NOTCH1: variants seen among roughly 807,000 people sequenced by gnomAD.
The protein encoded by NOTCH1 is neurogenic locus notch homolog protein 1.
NOTCH1 carries 37 observed loss-of-function variants against 254.8 expected under a neutral mutation model. The ratio of observed to expected loss-of-function variants is 0.15; its 90% confidence interval spans 0.11 to 0.19. The LOEUF (loss-of-function observed/expected upper bound fraction) is 0.19. Among genes scored for constraint, NOTCH1 ranks in the 10% least tolerant of loss-of-function variants. NOTCH1 has a pLI of 1.00. For missense variants in NOTCH1, 2,972 were observed against 3,708.6 expected, an observed-to-expected ratio of 0.80 and a Z score of 5.16; for synonymous variants, 1,731 against 1,618.1, an observed-to-expected ratio of 1.07 and a Z score of -1.68.
At chr9:136,505,976 C>T in intron 24 of NOTCH1, 95 bp from the exon 25 acceptor site, 3 of 1,120,012 alleles carry the variant, frequency 2.7e-6, no homozygotes, top group Non-Finnish European at 3.8e-6. Context: ...TGCCACCGCT[C>T]TCCTCTAACC....
At chr9:136,530,187 AGCCGGGGCCAG>A (rs1223876694) in intron 2 of NOTCH1, among the ~76,000 whole-genome samples, 1 of 152,194 alleles carries the variant, frequency 6.6e-6, no homozygotes, top group African/African-American at 2.4e-5. Flanking sequence ...CCGGGGTCTG[AGCCGGGGCCAG>A]GCTTTCCGGC....
chr9:136,505,296 C>T lies in NOTCH1; in HGVS notation c.4586+14G>A, dbSNP rs1843063017. 4 of 1,557,968 alleles carry T rather than the reference C, an allele frequency of 2.6e-6. No individual in the cohort carries two copies. The highest frequency in any genetic ancestry group is 3.5e-6 in the Non-Finnish European group (4 of 1,151,612). ...TCAGGTCCTCCCTCAGCCCCATGAG[C>T]CCCGCAGCCTTACTTGCACTGGCCT... On this transcript the variant is annotated intron_variant, in intron 25 of 33. Transcript: ENST00000651671.
At chr9:136,526,672 G>A (rs944098387) in intron 2 of NOTCH1, among the ~76,000 whole-genome samples, 1 of 152,200 alleles carries the variant, frequency 6.6e-6, no homozygotes, top group African/African-American at 2.4e-5. Flanking sequence ...CCCGGACACC[G>A]GGCCCCACTC....
rs1402039163 is a variant in NOTCH1 at position 136,496,033 on chromosome 9, C to T, written c.*38G>A. 1.3e-6 allele frequency: 2 copies of T among 1,579,502 alleles called. No homozygotes were observed. The highest frequency in any genetic ancestry group is 1.3e-5 in the African/African-American group (1 of 74,798). ...CAGAGCGCACACAGACGCCCGAAGGCTTGGGAAAGGAAGCCGGGGTCTCGT... is the reference window on the plus strand; with the variant it reads ...CAGAGCGCACACAGACGCCCGAAGGTTTGGGAAAGGAAGCCGGGGTCTCGT... On this transcript the variant is annotated 3_prime_UTR_variant, in exon 34 of 34. Transcript: ENST00000651671.
At chr9:136,535,191 A>T (rs185527912) in intron 2 of NOTCH1, among the ~76,000 whole-genome samples, 1 of 151,842 alleles carries the variant, frequency 6.6e-6, no homozygotes, top group East Asian at 2.0e-4. Context: ...GGGGCTGAGG[A>T]CTCGGAGGAT....
In NOTCH1 at chr9:136,500,831, G is replaced by A. The variant is rs1457346007; in HGVS notation, c.5655C>T (p.Leu1885=). The A allele has an allele frequency of 1.3e-6, 2 of 1,596,104 alleles. No homozygotes were observed. The highest frequency in any genetic ancestry group is 1.1e-5 in the South Asian group (1 of 90,802). The change falls in exon 31 of 34, where the codon CTC becomes CTT. Residue 1885 remains leucine, a synonymous_variant. Transcript: ENST00000651671. ...NVRGPDGFTP[L]MIASCSGGGL... ...CGCCCCCGCTGCAGGAGGCGATCAT[G>A]AGCGGGGTGAAGCCATCTGCAGAGG... is the stretch of plus-strand genomic sequence containing the variant.
In NOTCH1 at chr9:136,509,845, G is replaced by A. The variant is rs2133350882; in HGVS notation, c.2857C>T (p.Pro953Ser). Residue 953 changes from proline to serine, a missense_variant, in exon 18 of 34, where the codon CCC becomes TCC. By Grantham distance (74) the Pro-to-Ser change is moderately conservative. Around this residue, in one of 8 missense-constraint regions of NOTCH1, gnomAD observed 1,343 missense variants for 1,557.0 expected, o/e 0.86. Transcript: ENST00000651671. ...GTGCAGTTGGCCCCGTTGCGGCAGG[G>A]GTCACTGGCACACTCGTTGATGTCC... ...EEDINECASD[P>S]CRNGANCTDC... 1 of 1,613,144 alleles carries A rather than the reference G, an allele frequency of 6.2e-7. No homozygotes were observed. Among genetic ancestry groups the A allele is most frequent in the Non-Finnish European group, 8.5e-7 (1 of 1,180,026 alleles).
rs2133377622 is a variant in NOTCH1 at position 136,523,024 on chromosome 9, G to A, written c.568C>T (p.Arg190Cys). Residue 190 changes from arginine to cysteine, a missense_variant, in exon 4 of 34, where the codon CGC (arginine) becomes TGC (cysteine). Arg to Cys is a radical substitution (Grantham distance 180). This residue lies in a region of NOTCH1 where 374 missense variants were observed against 496.3 expected (regional missense o/e 0.75). Transcript: ENST00000651671. Reference sequence around the variant, plus strand: ...TCGTTGTGGCAGGTGCCTCCGTGGCGGCAAAGCCCGGGCTTCTGGCCACAC... The same window carrying A: ...TCGTTGTGGCAGGTGCCTCCGTGGCAGCAAAGCCCGGGCTTCTGGCCACAC... Reference protein sequence around the residue: ...NECGQKPGLCRHGGTCHNEVG... With the variant: ...NECGQKPGLCCHGGTCHNEVG... 1.3e-6 allele frequency: 2 copies of A among 1,551,684 alleles called. No homozygotes were observed. Among genetic ancestry groups the A allele is most frequent in the Non-Finnish European group, 1.7e-6 (2 of 1,148,120 alleles).
At position 136,498,989 on chromosome 9, in the gene NOTCH1, G is replaced by C. The variant is rs773621396; in HGVS notation, c.6090C>G (p.Ser2030=). 6.2e-7 allele frequency: 1 copy of C among 1,613,212 alleles called. No individual in the cohort carries two copies. The highest frequency in any genetic ancestry group is 1.3e-5 in the African/African-American group (1 of 74,942). ...DVNAVDDLGK[S]ALHWAAAVNN... ...TCACGGCGGCGGCCCAGTGCAGGGCGGACTTGCCTGCGTGAAAGAAGCAGA... is the reference window on the plus strand; with the variant it reads ...TCACGGCGGCGGCCCAGTGCAGGGCCGACTTGCCTGCGTGAAAGAAGCAGA... The change falls in exon 33 of 34, where the codon TCC becomes TCG. Residue 2030 remains serine, a synonymous_variant. Coordinates refer to ENST00000651671, the MANE Select transcript of NOTCH1 (RefSeq NM_017617.5).
At chr9:136,521,977 C>CTTT (rs60668167) in intron 4 of NOTCH1, among the ~76,000 whole-genome samples, 2 of 141,058 alleles carry the variant, frequency 1.4e-5, no homozygotes, top group African/African-American at 5.2e-5. Context: ...TTTCTCTTCA[C>CTTT]TTTTTTTTTT....
In NOTCH1 at chr9:136,495,044, G is replaced by C. The variant is rs537067416; in HGVS notation, c.*1027C>G. 4.5e-5 allele frequency: 18 copies of C among 398,918 alleles called. No homozygotes were observed. Among genetic ancestry groups the C allele is most frequent in the Non-Finnish European group, 7.1e-5 (16 of 226,128 alleles). 24.7% of individuals were successfully genotyped at this position (398,918 alleles called of 1,614,324 possible). A position where few individuals can be genotyped will look rare whatever the true frequency, so the allele number is the denominator to read the frequency against. On this transcript the variant is annotated 3_prime_UTR_variant, in exon 34 of 34. Coordinates refer to ENST00000651671, the MANE Select transcript of NOTCH1 (RefSeq NM_017617.5). ...TCCTACAAAACACGGGAGCCCACGGGGGGTCGGGTCCCGCGAGCTGGGGCC... is the reference window on the plus strand; with the variant it reads ...TCCTACAAAACACGGGAGCCCACGGCGGGTCGGGTCCCGCGAGCTGGGGCC...
chr9:136,496,790 C>T lies in NOTCH1; in HGVS notation c.6949G>A (p.Gly2317Ser), dbSNP rs747022065. The change falls in exon 34 of 34, where the codon GGC becomes AGC. Residue 2317 changes from glycine (G) to serine (S), a missense_variant. Transcript: ENST00000651671. ...QCEWLSRLQS[G>S]MVPNQYNPLR... ...GGGTTGTATTGGTTCGGCACCATGC[C>T]GCTCTGCAGCCGGGACAGCCACTCG... is the stretch of plus-strand genomic sequence containing the variant. The T allele has an allele frequency of 9.3e-6, 15 of 1,612,778 alleles. No homozygotes were observed. Among genetic ancestry groups the T allele is most frequent in the South Asian group, 4.4e-5 (4 of 91,092 alleles).
chr9:136,517,432 C>T (rs1279150415), intron 8 of NOTCH1, 47 bp from the exon 9 acceptor site: 4 of 1,265,250 alleles, frequency 3.2e-6, no homozygotes, highest in Non-Finnish European at 4.5e-6. Context: ...GCCCCAGTGC[C>T]CCACTGGGCA....
rs767822693 is a variant in NOTCH1 at position 136,497,317 on chromosome 9, G to A, written c.6422C>T (p.Ser2141Leu). The A allele has an allele frequency of 6.8e-6, 11 of 1,606,878 alleles. No homozygotes were observed. The highest frequency in any genetic ancestry group is 2.2e-5 in the East Asian group (1 of 44,888). Residue 2141 changes from serine to leucine, a missense_variant, in exon 34 of 34, where the codon TCG becomes TTG. Ser to Leu is a moderately radical substitution (Grantham distance 145, BLOSUM62 -2). Transcript: ENST00000651671. Reference protein sequence around the residue: ...GTPTLSPPLCSPNGYLGSLKP... With the variant: ...GTPTLSPPLCLPNGYLGSLKP... ...GAGGCTGCCCAGGTAGCCGTTGGGC[G>A]AGCAGAGCGGGGGCGACAGGGTGGG...
chr9:136,518,073 TCTC>T (rs1843305955), intron 7 of NOTCH1, 61 bp downstream of exon 7: 13 of 1,550,418 alleles, frequency 8.4e-6, no homozygotes, highest in African/African-American at 1.4e-5. Context: ...AGAATCGACT[TCTC>T]ATCGGTTCTG....
chr9:136,529,893 T>A (rs1044391354), intron 2 of NOTCH1, among the ~76,000 whole-genome samples: 1 of 152,216 alleles, frequency 6.6e-6, no homozygotes, highest in Admixed American at 6.5e-5. Flanking sequence ...GGGGCTGCGA[T>A]GTGGGATGGC....
chr9:136,503,431 A>G, intron 26 of NOTCH1, 101 bp from the exon 27 acceptor site: 1 of 1,569,506 alleles, frequency 6.4e-7, no homozygotes, highest in Non-Finnish European at 8.7e-7. Context: ...ATGACGCCAC[A>G]GTCAGGACAT....
Position 136,514,522 on chromosome 9 carries a change from T to C in NOTCH1, c.2195A>G (p.Asp732Gly), listed in dbSNP as rs2133360406. The C allele has an allele frequency of 3.2e-6, 5 of 1,585,220 alleles. No individual in the cohort carries two copies. Among genetic ancestry groups the C allele is most frequent in the Non-Finnish European group, 4.3e-6 (5 of 1,166,852 alleles). ...CCCCGCCGCATACCCGTTGAGGCTG[T>C]CCCGGCAGGCCCCGTGGACGCAGGG... Reference protein sequence around the residue: ...SNPCVHGACRDSLNGYKCDCD... With the variant: ...SNPCVHGACRGSLNGYKCDCD... The change falls in exon 13 of 34, where the codon GAC becomes GGC. Residue 732 changes from aspartate (D) to glycine (G), a missense_variant. Transcript: ENST00000651671.
Position 136,507,311 on chromosome 9 carries a change from T to C in NOTCH1, c.3637A>G (p.Thr1213Ala). 1 of 1,612,756 alleles carries C rather than the reference T, an allele frequency of 6.2e-7. No homozygotes were observed. The highest frequency in any genetic ancestry group is 8.5e-7 in the Non-Finnish European group (1 of 1,179,892). ...TCCGTGCAGCGGCCCTTACCCTGAG[T>C]GCCCCGTGGGCAGGAGCACTTGTAG... is the stretch of plus-strand genomic sequence containing the variant. The part of the protein sequence containing the change: ...NTYKCSCPRG[T>A]QGVHCEINVD... The change falls in exon 22 of 34, where the codon ACT becomes GCT. Residue 1213 changes from threonine to alanine, a missense_variant. By Grantham distance (58) the Thr-to-Ala change is moderately conservative. Transcript: ENST00000651671.
Sources: allele counts gnomAD v4.1 joint callset (sites outside exome capture counted in the v4.1 genomes callset), GRCh38; gene constraint gnomAD v4.1.1; regional missense constraint gnomAD v4.1.1; transcripts MANE v1.5; gene names NCBI Gene and HGNC (gene_info 2026-07-23, HGNC 2026-07-21).